The following TOM1L2 variants were observed in gnomAD, a reference collection of about 807,000 sequenced individuals.
TOM1L2 encodes target of myb1 like 2 membrane trafficking protein, also known as TOM1-like protein 2.
TOM1L2 carries 31 observed loss-of-function variants against 67.9 expected under a neutral mutation model. The ratio of observed to expected loss-of-function variants is 0.46; its 90% CI spans 0.34 to 0.62. The LOEUF is 0.62. Ranked by LOEUF, TOM1L2 falls within the 20% of genes least tolerant of loss-of-function variation. The probability of loss-of-function intolerance (pLI) is 0.01; values close to 1 mark genes in which losing one functional copy is unlikely to be tolerated. For missense variants in TOM1L2, 606 were observed against 663.5 expected (o/e 0.91, Z 0.95); for synonymous variants, 256 against 254.0 (o/e 1.01, Z -0.07).
chr17:17,932,750 C>G (rs183815207), intron 1 of TOM1L2, among the ~76,000 whole-genome samples: 1 of 152,192 alleles, frequency 6.6e-6, no homozygotes, highest in Admixed American at 6.5e-5. Context: ...GGAGTTAATA[C>G]TATTAATAAA....
intron 1 of TOM1L2, among the ~76,000 whole-genome samples, chr17:17,953,268 A>G (rs1184909583): frequency 6.6e-6 from 1 of 152,206 alleles, no homozygotes; most frequent in Non-Finnish European, 1.5e-5. Context: ...CAACAGAGCG[A>G]GACTCTGTCT....
intron 2 of TOM1L2, among the ~76,000 whole-genome samples, 172 bp downstream of exon 2, chr17:17,907,275 G>C (rs2039140657): frequency 6.6e-6 from 1 of 152,262 alleles, no homozygotes; most frequent in South Asian, 2.1e-4. Context: ...GCAAGTGGGG[G>C]AGGGATGAAG....
rs185731377 is a variant in TOM1L2, at chr17:17,886,442, C to T, written c.367-1674G>A. ...CCCAGCTGGAGGAGAGTAGGTTGCC[C>T]GTAGGGAGTGCCTCTGGCCCCGCCC... On this transcript the variant is annotated intron_variant, in intron 4 of 14. Coordinates refer to ENST00000379504, the MANE Select transcript of TOM1L2 (RefSeq NM_001082968.2). Among the ~76,000 whole-genome samples the T allele has an allele frequency of 2.1e-3, 319 of 152,352 alleles. 1 individual carries two copies. Among genetic ancestry groups the T allele is most frequent in the African/African-American group, 7.0e-3 (291 of 41,598 alleles).
chr17:17,898,277 C>T (rs933357577), intron 3 of TOM1L2, among the ~76,000 whole-genome samples: 2 of 152,150 alleles, frequency 1.3e-5, no homozygotes, highest in African/African-American at 4.8e-5. Flanking sequence ...GTCTCAGTCT[C>T]AGAGCAGGCT....
intron 7 of TOM1L2, among the ~76,000 whole-genome samples, chr17:17,870,395 C>T (rs1333480454): frequency 6.6e-6 from 1 of 152,186 alleles, no homozygotes; most frequent in African/African-American, 2.4e-5. Flanking sequence ...GGCCCCTTGC[C>T]ATCTCGATGC....
At chr17:17,854,518 T>C (rs1014670953) in intron 12 of TOM1L2, among the ~76,000 whole-genome samples, 7 of 151,868 alleles carry the variant, frequency 4.6e-5, no homozygotes, top group Admixed American at 4.6e-4. Context: ...TATTTAGTTA[T>C]TTATTTAATT....
At chr17:17,940,858 T>C (rs938648843) in intron 1 of TOM1L2, among the ~76,000 whole-genome samples, 11 of 152,212 alleles carry the variant, frequency 7.2e-5, no homozygotes, top group Non-Finnish European at 2.9e-5. Flanking sequence ...ATTGTTTTCT[T>C]GGCTGGATCC....
intron 2 of TOM1L2, among the ~76,000 whole-genome samples, chr17:17,902,795 T>C (rs2058273114): frequency 6.6e-6 from 1 of 152,250 alleles, no homozygotes; most frequent in Non-Finnish European, 1.5e-5. Flanking sequence ...CACATAGATA[T>C]AGTATGGATA....
intron 10 of TOM1L2, 114 bp downstream of exon 10, chr17:17,866,182 A>G (rs922886602): frequency 1.6e-6 from 2 of 1,276,798 alleles, no homozygotes; most frequent in Non-Finnish European, 2.1e-6. Flanking sequence ...ACACTTTCAC[A>G]TGTATTTCCC....
chr17:17,934,171 C>A (rs963971235), intron 1 of TOM1L2, among the ~76,000 whole-genome samples: 1 of 152,142 alleles, frequency 6.6e-6, no homozygotes. Flanking sequence ...GGCATGGTAG[C>A]CATTTTCAAA....
intron 7 of TOM1L2, among the ~76,000 whole-genome samples, chr17:17,873,995 G>C: frequency 6.7e-6 from 1 of 149,102 alleles, no homozygotes; most frequent in Middle Eastern, 3.4e-3. Context: ...TCGCTCTGTC[G>C]CCCAGCCTGG....
intron 7 of TOM1L2, among the ~76,000 whole-genome samples, chr17:17,873,299 G>T (rs1319957317): frequency 6.6e-6 from 1 of 152,168 alleles, no homozygotes; most frequent in African/African-American, 2.4e-5. Flanking sequence ...TACAGTGACA[G>T]CTTTAACACG....
At chr17:17,918,810 C>T (rs528799689) in intron 1 of TOM1L2, among the ~76,000 whole-genome samples, 4 of 152,262 alleles carry the variant, frequency 2.6e-5, no homozygotes, top group African/African-American at 7.2e-5. Context: ...CTTAATGAGC[C>T]GTTAAGTATC....
chr17:17,866,118 GA>G (rs1179423124), intron 10 of TOM1L2, among the ~76,000 whole-genome samples, 177 bp downstream of exon 10: 1 of 152,092 alleles, frequency 6.6e-6, no homozygotes, highest in Non-Finnish European at 1.5e-5. Flanking sequence ...AATTTAGGGG[GA>G]AAAAAGGTAT....
intron 5 of TOM1L2, 46 bp downstream of exon 5, chr17:17,884,588 C>G (rs201589396): frequency 6.2e-7 from 1 of 1,610,676 alleles, no homozygotes; most frequent in African/African-American, 1.3e-5. Flanking sequence ...CTTGGCTCAC[C>G]CGTTCTGCAG....
At chr17:17,890,114 G>C (rs1031652324) in intron 4 of TOM1L2, among the ~76,000 whole-genome samples, 7 of 152,192 alleles carry the variant, frequency 4.6e-5, no homozygotes, top group Admixed American at 4.6e-4. Context: ...GTTTTCTAAA[G>C]TATATTCAAC....
At chr17:17,877,109 A>G (rs1056367950) in intron 7 of TOM1L2, among the ~76,000 whole-genome samples, 10 of 152,246 alleles carry the variant, frequency 6.6e-5, no homozygotes, top group Non-Finnish European at 1.5e-4. Context: ...ATACAGCCAC[A>G]TACCCATGAG....
At chr17:17,934,512 G>C (rs535695772) in intron 1 of TOM1L2, among the ~76,000 whole-genome samples, 1 of 152,312 alleles carries the variant, frequency 6.6e-6, no homozygotes, top group East Asian at 1.9e-4. Context: ...GCTAGCCCCT[G>C]ATACGGTAAC....
At chr17:17,907,577 G>A (rs1456677386) in intron 1 of TOM1L2, 46 bp from the exon 2 acceptor site, 1 of 1,575,774 alleles carries the variant, frequency 6.3e-7, no homozygotes, top group South Asian at 1.1e-5. Context: ...CCTGGAATAA[G>A]TGGGCCTTGG....
Sources: gnomAD v4.1 joint callset for allele counts (sites outside exome capture counted in the v4.1 genomes callset) on GRCh38, gnomAD v4.1.1 for gene constraint, MANE v1.5 for transcripts, NCBI Gene and HGNC (gene_info 2026-07-23, HGNC 2026-07-21) for gene names.